SPECC1: variants seen among roughly 807,000 people sequenced by gnomAD.
SPECC1 encodes the protein cytospin-B.
In SPECC1, 62 loss-of-function variants were observed where a neutral mutation model predicts 104.1. The observed-to-expected ratio is 0.60, with a 90% confidence interval of 0.49 to 0.74. The LOEUF (loss-of-function observed/expected upper bound fraction) is 0.74. Among genes scored for constraint, SPECC1 ranks in the 30% least tolerant of loss-of-function variants. The pLI, the probability that SPECC1 is intolerant of heterozygous loss-of-function variation, is 0.00. For synonymous variants in SPECC1, 513 were observed against 501.6 expected (o/e 1.02, Z -0.30); for missense variants, 1,306 against 1,310.5 (o/e 1.00, Z 0.05).
At chr17:20,120,894 T>C (rs1390529804) in intron 3 of SPECC1, among the ~76,000 whole-genome samples, 2 of 152,226 alleles carry the variant, frequency 1.3e-5, no homozygotes, top group African/African-American at 4.8e-5. Flanking sequence ...GTAATAATTA[T>C]ATTATTGTCT....
intron 2 of SPECC1, among the ~76,000 whole-genome samples, chr17:20,107,941 G>A (rs932220571): frequency 6.6e-6 from 1 of 152,176 alleles, no homozygotes; most frequent in African/African-American, 2.4e-5. Context: ...ATTCAAGGCT[G>A]CAATGAGCCA....
intron 12 of SPECC1, among the ~76,000 whole-genome samples, chr17:20,296,585 G>T (rs1029014462): frequency 2.6e-5 from 4 of 152,158 alleles, no homozygotes; most frequent in African/African-American, 7.2e-5. Flanking sequence ...GATGGGGATG[G>T]CATTGAATCT....
At chr17:20,280,882 C>A (rs1413493336) in intron 12 of SPECC1, among the ~76,000 whole-genome samples, 3 of 152,124 alleles carry the variant, frequency 2.0e-5, no homozygotes, top group Non-Finnish European at 4.4e-5. Flanking sequence ...GGTTTCATAA[C>A]TGTTTATTTC....
At position 20,194,525 on chromosome 17, in the gene SPECC1, T is replaced by TTTTTTTTTTTTTTTTTTTG. The variant is rs2035896918; in HGVS notation, c.284-9808_284-9807insTTTTTTTTTTTTTTTTTTG. Among the ~76,000 whole-genome samples the TTTTTTTTTTTTTTTTTTTG allele has an allele frequency of 1.6e-4, 23 of 143,290 alleles. 1 individual carries two copies. The highest frequency in any genetic ancestry group is 5.3e-4 in the African/African-American group (20 of 37,538). 94.0% of individuals were successfully genotyped at this position (143,290 alleles called of 152,430 possible). A position where few individuals can be genotyped will look rare whatever the true frequency, so the allele number is the denominator to read the frequency against. On this transcript the variant is annotated intron_variant, in intron 3 of 14. Transcript: ENST00000395527. ...GAATTTTTTTTTTTTTTTTTTTTTT[T>TTTTTTTTTTTTTTTTTTTG]GAGACAGAGTCTTGCTCTGTCACCA...
intron 7 of SPECC1, among the ~76,000 whole-genome samples, chr17:20,234,137 C>T (rs2038764297): frequency 6.6e-6 from 1 of 152,190 alleles, no homozygotes; most frequent in African/African-American, 2.4e-5. Context: ...CCCTATGCTG[C>T]ATCCTGCATC....
chr17:20,289,713 G>T (rs1325645092), intron 12 of SPECC1, among the ~76,000 whole-genome samples: 1 of 152,236 alleles, frequency 6.6e-6, no homozygotes, highest in Admixed American at 6.5e-5. Context: ...TGGACTGGGA[G>T]TTGCTGGTGC....
At chr17:20,160,593 C>G (rs2033049142) in intron 3 of SPECC1, among the ~76,000 whole-genome samples, 2 of 152,150 alleles carry the variant, frequency 1.3e-5, no homozygotes, top group Non-Finnish European at 2.9e-5. Flanking sequence ...TTAAGACTTA[C>G]ATAGTAAACA....
intron 3 of SPECC1, among the ~76,000 whole-genome samples, chr17:20,151,705 G>T (rs985861964): frequency 5.9e-5 from 9 of 152,068 alleles, no homozygotes; most frequent in Non-Finnish European, 5.9e-5. Flanking sequence ...TTTTTCATTT[G>T]CCCAGGATGT....
At chr17:20,173,164 C>T (rs866894286) in intron 3 of SPECC1, among the ~76,000 whole-genome samples, 2 of 152,194 alleles carry the variant, frequency 1.3e-5, no homozygotes, top group Non-Finnish European at 2.9e-5. Context: ...ATGCACAGTC[C>T]ACTCTGGGAA....
In SPECC1 at chr17:20,139,735, C is replaced by T. The variant is rs144202914; in HGVS notation, c.283+29173C>T. Among the ~76,000 whole-genome samples the T allele has an allele frequency of 2.7e-3, 404 of 152,226 alleles. 3 individuals carry two copies. Among genetic ancestry groups the T allele is most frequent in the Middle Eastern group, 0.017 (5 of 294 alleles). On this transcript the variant is annotated intron_variant, in intron 3 of 14. Coordinates refer to ENST00000395527, the MANE Select transcript of SPECC1 (RefSeq NM_001243439.2). ...TGTCTCCCAGGCTAGGGTGCAATTG[C>T]GCAATCTCGGCTCACTGCAACCTCC...
chr17:20,290,736 C>T (rs1437255324), intron 12 of SPECC1, among the ~76,000 whole-genome samples: 3 of 152,236 alleles, frequency 2.0e-5, no homozygotes, highest in African/African-American at 4.8e-5. Flanking sequence ...AGGCTGGTCT[C>T]GAACTCCTAA....
At chr17:20,189,489 G>A (rs907180773) in intron 3 of SPECC1, among the ~76,000 whole-genome samples, 7 of 152,140 alleles carry the variant, frequency 4.6e-5, no homozygotes, top group African/African-American at 1.4e-4. Flanking sequence ...GGCTTCTCCT[G>A]GAGATGACTA....
chr17:20,059,834 C>T (rs187506340), intron 1 of SPECC1, among the ~76,000 whole-genome samples: 40 of 152,270 alleles, frequency 2.6e-4, no homozygotes, highest in Middle Eastern at 6.8e-3. Context: ...TGCACTCCAG[C>T]CTGTGTGACA....
chr17:20,180,835 A>G (rs2034829860), intron 3 of SPECC1, among the ~76,000 whole-genome samples: 1 of 152,220 alleles, frequency 6.6e-6, no homozygotes, highest in South Asian at 2.1e-4. Flanking sequence ...TGTTGCAAAC[A>G]TATTTATTGC....
At chr17:20,259,433 T>TA (rs1301981777) in intron 11 of SPECC1, among the ~76,000 whole-genome samples, 3 of 152,228 alleles carry the variant, frequency 2.0e-5, no homozygotes, top group Admixed American at 6.5e-5. Flanking sequence ...ATTTTACACT[T>TA]ACGTTATTGA....
intron 3 of SPECC1, among the ~76,000 whole-genome samples, chr17:20,194,830 T>C (rs2035924752): frequency 6.6e-6 from 1 of 152,124 alleles, no homozygotes; most frequent in Non-Finnish European, 1.5e-5. Context: ...ATTGCACCTT[T>C]GCAAATAACT....
chr17:20,055,450 C>T (rs995794641), intron 1 of SPECC1, among the ~76,000 whole-genome samples: 1 of 152,146 alleles, frequency 6.6e-6, no homozygotes, highest in African/African-American at 2.4e-5. Context: ...ACAAAAGTTC[C>T]AGTTTCTCTA....
chr17:20,288,204 T>TG (rs1391294232), intron 12 of SPECC1, among the ~76,000 whole-genome samples: 1 of 152,182 alleles, frequency 6.6e-6, no homozygotes, highest in Non-Finnish European at 1.5e-5. Context: ...GATGGGCATT[T>TG]GGGTTGATTC....
chr17:20,207,503 C>A (rs1335246408), intron 4 of SPECC1, among the ~76,000 whole-genome samples: 1 of 152,100 alleles, frequency 6.6e-6, no homozygotes, highest in African/African-American at 2.4e-5. Flanking sequence ...TCTTGAAGTT[C>A]TTTATCAGTC....
Sources: allele counts gnomAD v4.1 joint callset (sites outside exome capture counted in the v4.1 genomes callset), GRCh38; gene constraint gnomAD v4.1.1; transcripts MANE v1.5; gene names NCBI Gene and HGNC (gene_info 2026-07-23, HGNC 2026-07-21).